Variants in RRP12 observed in about 807,000 individuals in gnomAD.
The protein encoded by RRP12 is ribosomal RNA processing 12 homolog.
In RRP12, 78 loss-of-function variants were observed where a neutral mutation model predicts 157.3. That is an observed-to-expected ratio of 0.50 (90% CI 0.41 to 0.60). The LOEUF (loss-of-function observed/expected upper bound fraction) is 0.60. Among genes scored for constraint, RRP12 ranks in the 20% least tolerant of loss-of-function variants. The pLI, the probability that RRP12 is intolerant of heterozygous loss-of-function variation, is 0.00. For missense variants in RRP12, 1,521 were observed against 1,679.9 expected, an observed-to-expected ratio of 0.91 and a Z score of 1.65; for synonymous variants, 726 against 670.9, an observed-to-expected ratio of 1.08 and a Z score of -1.27.
At chr10:97,358,757 C>A in intron 32 of RRP12, 138 bp from the exon 33 acceptor site, 1 of 812,296 alleles carries the variant, frequency 1.2e-6, no homozygotes. Flanking sequence ...CCTTGGAAGG[C>A]CATTCAATAA....
chr10:97,374,686 G>A (rs1238282574), intron 15 of RRP12, among the ~76,000 whole-genome samples: 3 of 151,096 alleles, frequency 2.0e-5, no homozygotes, highest in Non-Finnish European at 4.4e-5. Flanking sequence ...GCAGGAGAAT[G>A]GAGTGAACCC....
chr10:97,366,230 G>T lies in RRP12; in HGVS notation c.3395C>A (p.Thr1132Lys). ...DPKVAQRVLA[T>K]QPGPGRGRKK... Reference sequence around the variant, plus strand: ...CCTGCCCCGGCCTGGCCCTGGCTGCGTGGCTGGGGTGTAGAGTTTGGCATG... The same window carrying T: ...CCTGCCCCGGCCTGGCCCTGGCTGCTTGGCTGGGGTGTAGAGTTTGGCATG... Residue 1132 changes from threonine (T) to lysine (K), a missense_variant, in exon 29 of 34, where the codon ACG (threonine) becomes AAG (lysine). Physicochemically the swap from Thr to Lys is moderately conservative, Grantham distance 78. Transcript: ENST00000370992. 6.2e-7 allele frequency: 1 copy of T among 1,611,490 alleles called. No homozygotes were observed.
At position 97,379,328 on chromosome 10, in the gene RRP12, T is replaced by C. The variant is rs749642834; in HGVS notation, c.1763A>G (p.Tyr588Cys). ...QETRLGFFTT[Y>C]FLPLANTLKS... ...CAGGGTGTTAGCCAGGGGCAAGAAG[T>C]AGGTGGTGAAAAAACCAAGTCGCGT... The change falls in exon 15 of 34, where the codon TAC (tyrosine) becomes TGC (cysteine). Residue 588 changes from tyrosine to cysteine, a missense_variant. By Grantham distance (194) the Tyr-to-Cys change is radical. Coordinates refer to ENST00000370992, the MANE Select transcript of RRP12 (RefSeq NM_015179.4). 6.2e-7 allele frequency: 1 copy of C among 1,613,958 alleles called. No individual in the cohort carries two copies. Among genetic ancestry groups the C allele is most frequent in the South Asian group, 1.1e-5 (1 of 91,064 alleles).
chr10:97,368,155 T>A (rs776304243), intron 25 of RRP12, among the ~76,000 whole-genome samples: 11 of 146,496 alleles, frequency 7.5e-5, no homozygotes, highest in Non-Finnish European at 1.6e-4. Context: ...CTCAGCCACA[T>A]GAACAGCTGG....
intron 6 of RRP12, among the ~76,000 whole-genome samples, chr10:97,389,870 A>G (rs60237341): frequency 0.39 from 59,434 of 151,582 alleles, 12,307 homozygotes; most frequent in African/African-American, 0.53. Flanking sequence ...CCACCACCAC[A>G]CCTGGCTAAT....
downstream of RRP12, chr10:97,356,405 T>C (rs1843717253): frequency 6.6e-6 from 1 of 152,204 alleles, no homozygotes; most frequent in South Asian, 2.1e-4. Flanking sequence ...AGCAAATACT[T>C]TGTTGAATCA....
At chr10:97,382,039 G>T (rs1844482940) in intron 10 of RRP12, among the ~76,000 whole-genome samples, 1 of 152,228 alleles carries the variant, frequency 6.6e-6, no homozygotes, top group African/African-American at 2.4e-5. Flanking sequence ...GGTCTTCAAG[G>T]TGTAAAATGA....
chr10:97,367,538 C>T (rs1462595677), intron 25 of RRP12, among the ~76,000 whole-genome samples: 3 of 152,216 alleles, frequency 2.0e-5, no homozygotes, highest in African/African-American at 7.2e-5. Flanking sequence ...CCAGACTCAT[C>T]TAATGCTGCG....
chr10:97,399,778 C>T (rs567627363), intron 2 of RRP12, among the ~76,000 whole-genome samples: 2 of 149,734 alleles, frequency 1.3e-5, no homozygotes, highest in South Asian at 2.1e-4. Context: ...ATTAGCCGGG[C>T]GTGGTGGCAC....
In RRP12 at chr10:97,358,924, C is replaced by A; in HGVS notation, c.3708+19G>T. The A allele has an allele frequency of 6.2e-7, 1 of 1,606,144 alleles. No individual in the cohort carries two copies. The highest frequency in any genetic ancestry group is 8.5e-7 in the Non-Finnish European group (1 of 1,173,106). Reference sequence around the variant, plus strand: ...CTGTCCAGTGCCAGGAGACCCCATGCCCTACATGCAGCACTTACCTTGGCC... The same window carrying A: ...CTGTCCAGTGCCAGGAGACCCCATGACCTACATGCAGCACTTACCTTGGCC... On this transcript the variant is annotated intron_variant, in intron 32 of 33. Transcript: ENST00000370992.
chr10:97,373,803 C>T, intron 16 of RRP12, 27 bp downstream of exon 16: 2 of 1,613,720 alleles, frequency 1.2e-6, no homozygotes, highest in Non-Finnish European at 1.7e-6. Flanking sequence ...GTGCTTCTCC[C>T]CACGCCCTCC....
At chr10:97,365,797 A>T in intron 29 of RRP12, 1 of 272,836 alleles carries the variant, frequency 3.7e-6, no homozygotes, top group Admixed American at 5.6e-5. Flanking sequence ...AAGGAAGAAA[A>T]GGAGAAAGGA....
At position 97,380,945 on chromosome 10, in the gene RRP12, G is replaced by A. The variant is rs768753611; in HGVS notation, c.1419-32C>T. ...AGGGGGCGGCACAGTCAGGGCCACG[G>A]TCACACCACCCTGTGCCCCCCACCA... On this transcript the variant is annotated intron_variant, in intron 12 of 33. Transcript: ENST00000370992. 3.9e-6 allele frequency: 6 copies of A among 1,523,816 alleles called. No homozygotes were observed. In the Admixed American group the frequency reaches 6.7e-5, roughly 17 times the overall value. 94.4% of individuals were successfully genotyped at this position (1,523,816 alleles called of 1,614,324 possible).
chr10:97,362,626 G>A (rs922866251), intron 30 of RRP12, among the ~76,000 whole-genome samples: 2 of 152,156 alleles, frequency 1.3e-5, no homozygotes, highest in Non-Finnish European at 2.9e-5. Context: ...TGTCCCACAG[G>A]AGTGGTTGCC....
chr10:97,369,051 G>T (rs1245478095), intron 25 of RRP12, among the ~76,000 whole-genome samples: 1 of 151,596 alleles, frequency 6.6e-6, no homozygotes, highest in Non-Finnish European at 1.5e-5. Context: ...AATGCAAGAT[G>T]GGAAAAAAAA....
chr10:97,373,518 T>C lies in RRP12; in HGVS notation c.2026+57A>G. ...GCAAGGAGTGTAGCAAGCCAGGGGA[T>C]GGGGCCAGGGACCTGTGTCATCCTC... On this transcript the variant is annotated intron_variant, in intron 17 of 33. Coordinates refer to ENST00000370992, the MANE Select transcript of RRP12 (RefSeq NM_015179.4). 2.6e-6 allele frequency: 4 copies of C among 1,510,246 alleles called. No homozygotes were observed. The African/African-American group carries it at 4.1e-5, about 16-fold the overall frequency. 93.6% of individuals were successfully genotyped at this position (1,510,246 alleles called of 1,614,324 possible). A position where few individuals can be genotyped will look rare whatever the true frequency, so the allele number is the denominator to read the frequency against.
intron 32 of RRP12, 71 bp downstream of exon 32, chr10:97,358,872 C>A: frequency 7.8e-7 from 1 of 1,275,638 alleles, no homozygotes; most frequent in East Asian, 2.3e-5. Flanking sequence ...GTGATGGGCA[C>A]AGCTCCTCCT....
chr10:97,384,249 G>T (rs530312541), intron 10 of RRP12, among the ~76,000 whole-genome samples: 19 of 149,070 alleles, frequency 1.3e-4, no homozygotes, highest in African/African-American at 4.7e-4. Flanking sequence ...CAGGCCCTGA[G>T]CACCCCGAAC....
In RRP12 at chr10:97,379,717, C is replaced by T. The variant is rs370537999; in HGVS notation, c.1587G>A (p.Ala529=). Residue 529 remains alanine, a synonymous_variant, in exon 14 of 34, where the codon GCG becomes GCA. Transcript: ENST00000370992. ...CAGCCCCCACTGCCTGGTCAAGAGC[C>T]GCCGTGTGGGGGAAATGAGGGGAGA... ...LRLSPHFPHT[A]ALDQAVGAAV... 121 of 1,613,784 alleles carry T rather than the reference C, an allele frequency of 7.5e-5. No individual in the cohort carries two copies. The Admixed American group carries it at 1.4e-3, about 18-fold the overall frequency.
Sources: allele counts gnomAD v4.1 joint callset (sites outside exome capture counted in the v4.1 genomes callset), GRCh38; gene constraint gnomAD v4.1.1; transcripts MANE v1.5; gene names NCBI Gene and HGNC (gene_info 2026-07-23, HGNC 2026-07-21).